Variants in AQP7 observed in about 807,000 individuals in gnomAD.
AQP7 encodes the protein aquaporin 7, also known as aquaporin-7.
AQP7 carries 22 observed loss-of-function variants against 26.1 expected under a neutral mutation model. That is an observed-to-expected ratio of 0.84 (90% confidence interval 0.60 to 1.20). The LOEUF (loss-of-function observed/expected upper bound fraction) is 1.20, where lower values mean the gene tolerates loss of function less well. AQP7 is among the 50% of genes most tolerant of loss of function. AQP7 has a pLI of 0.00. For synonymous variants in AQP7, 167 were observed against 181.7 expected, an observed-to-expected ratio of 0.92 and a Z score of 0.65; for missense variants, 412 against 457.5, an observed-to-expected ratio of 0.90 and a Z score of 0.91.
In AQP7 at chr9:33,401,151, A is replaced by G. The variant is rs1826246055; in HGVS notation, c.26+86T>C. ...AGTGGGGACAGCTGCCCCAAGGGAG[A>G]GGCTGAGGATGGAACAGGGAGGGCA... On this transcript the variant is annotated intron_variant, in intron 2 of 7. Transcript: ENST00000297988. 3.5e-6 allele frequency: 5 copies of G among 1,445,432 alleles called. No individual in the cohort carries two copies. In the African/African-American group the frequency reaches 4.2e-5, roughly 12 times the overall value. 89.5% of individuals were successfully genotyped at this position (1,445,432 alleles called of 1,614,324 possible).
chr9:33,386,363 G>A, intron 5 of AQP7, 41 bp downstream of exon 5: 1 of 1,608,452 alleles, frequency 6.2e-7, no homozygotes. Flanking sequence ...TTCATAGGAG[G>A]CGGCTGAGGC....
chr9:33,385,531 G>C, intron 7 of AQP7, 118 bp downstream of exon 7: 2 of 1,303,118 alleles, frequency 1.5e-6, no homozygotes, highest in Non-Finnish European at 2.2e-6. Flanking sequence ...CTGCTCCCCA[G>C]GCTACCTGGG....
rs184504095 is a variant in AQP7, at chr9:33,388,731, C to T, written c.145-1639G>A. 6.6e-5 allele frequency among the ~76,000 whole-genome samples: 10 copies of T among 152,328 alleles called. No homozygotes were observed. In the East Asian group the frequency reaches 9.6e-4, roughly 15 times the overall value. ...AGCTTAGAGAACTTGAATGGCTTGT[C>T]CAAGGTCACACAGCCTGTACCTGGT... On this transcript the variant is annotated intron_variant, in intron 3 of 7. Transcript: ENST00000297988.
intron 3 of AQP7, among the ~76,000 whole-genome samples, chr9:33,394,767 G>A (rs1825708862): frequency 6.6e-6 from 1 of 152,016 alleles, no homozygotes; most frequent in South Asian, 2.1e-4. Context: ...CAAAGTGCTG[G>A]AATTACAGGC....
intron 1 of AQP7, 175 bp from the exon 2 acceptor site, chr9:33,401,462 C>T: frequency 1.7e-6 from 1 of 604,148 alleles, no homozygotes; most frequent in Non-Finnish European, 3.0e-6. Context: ...GAGGCGACGC[C>T]CTGGAGCCCC....
At chr9:33,396,669 A>T (rs3877998) in intron 2 of AQP7, among the ~76,000 whole-genome samples, 2 of 132,598 alleles carry the variant, frequency 1.5e-5, no homozygotes, top group Admixed American at 7.8e-5. Flanking sequence ...TCCTTTACCC[A>T]CCAGCCTTCT....
intron 3 of AQP7, among the ~76,000 whole-genome samples, chr9:33,390,738 C>T (rs1825313593): frequency 6.6e-6 from 1 of 152,188 alleles, no homozygotes; most frequent in Non-Finnish European, 1.5e-5. Context: ...GGTAGAGGGA[C>T]TGGAGCAGGC....
chr9:33,391,455 C>T (rs1010274062), intron 3 of AQP7: 12 of 318,102 alleles, frequency 3.8e-5, no homozygotes, highest in African/African-American at 1.7e-4. Flanking sequence ...CCGTGTCTCA[C>T]GTGTATGGCT....
Position 33,384,891 on chromosome 9 carries a change from TGTAAGAACCCA to T in AQP7, c.*103_*113del, listed in dbSNP as rs1178586805. 5.6e-5 allele frequency: 72 copies of T among 1,280,534 alleles called. No homozygotes were observed. The East Asian group carries it at 1.7e-3, about 30-fold the overall frequency. 79.3% of individuals were successfully genotyped at this position (1,280,534 alleles called of 1,614,324 possible). A position where few individuals can be genotyped will look rare whatever the true frequency, so the allele number is the denominator to read the frequency against. On this transcript the variant is annotated 3_prime_UTR_variant, in exon 8 of 8. Transcript: ENST00000297988. ...GGCTAAGACATAGCCCTGGAGCTCC[TGTAAGAACCCA>T]GGAGGGAAGCCCAACCACAGGAGGC...
chr9:33,386,249 G>T (rs1824776455), intron 5 of AQP7, 54 bp from the exon 6 acceptor site: 4 of 1,610,994 alleles, frequency 2.5e-6, no homozygotes, highest in South Asian at 1.1e-5. Flanking sequence ...CCCCACCGGG[G>T]TCCCAGAAAT....
chr9:33,401,422 A>G, intron 1 of AQP7, 135 bp from the exon 2 acceptor site: 2 of 731,678 alleles, frequency 2.7e-6, no homozygotes, highest in Non-Finnish European at 4.6e-6. Flanking sequence ...CAGCCAAGGA[A>G]CAGGGAGGGA....
chr9:33,386,091 C>G lies in AQP7; in HGVS notation c.511G>C (p.Gly171Arg). ...CGACCACTGACCTCATTCAGGAAGC[C>G]CCGCCACAATGTCATGTGATCAGGA... ...YLPDHMTLWR[G>R]FLNEAWLTGM... The change falls in exon 6 of 8, where the codon GGC (glycine) becomes CGC (arginine). Residue 171 changes from glycine (G) to arginine (R), a missense_variant. Coordinates refer to ENST00000297988, the MANE Select transcript of AQP7 (RefSeq NM_001170.3). 1 of 1,613,412 alleles carries G rather than the reference C, an allele frequency of 6.2e-7. No homozygotes were observed. Among genetic ancestry groups the G allele is most frequent in the Non-Finnish European group, 8.5e-7 (1 of 1,179,858 alleles).
Position 33,383,729 on chromosome 9 carries a change from C to T in AQP7, c.*1276G>A, listed in dbSNP as rs966969966. On this transcript the variant is annotated 3_prime_UTR_variant, in exon 8 of 8. Coordinates refer to ENST00000297988, the MANE Select transcript of AQP7 (RefSeq NM_001170.3). ...CGTGTCCCCACCTCCAGAACGAAGC[C>T]CAGCCTCCTCTGCCCATCCCCTCAA... 3 of 152,676 alleles carry T rather than the reference C, an allele frequency of 2.0e-5. No individual in the cohort carries two copies. The highest frequency in any genetic ancestry group is 7.2e-5 in the African/African-American group (3 of 41,416). 9.5% of individuals were successfully genotyped at this position (152,676 alleles called of 1,614,324 possible).
chr9:33,400,991 C>T (rs1826229504), intron 2 of AQP7: 1 of 558,432 alleles, frequency 1.8e-6, no homozygotes, highest in South Asian at 2.0e-5. Context: ...AGTTGAAGGC[C>T]ACCTGCATGC....
chr9:33,395,108 C>T lies in AQP7; in HGVS notation c.114G>A (p.Leu38=), dbSNP rs1194666310. The part of the protein sequence containing the change: ...ILQRKMVREF[L]AEFMSTYVMM... The stretch of plus-strand genomic sequence containing the variant: ...TGACATATGTGCTCATGAACTCGGC[C>T]AGGAACTCTCGCACCATCTTCCTCT... The change falls in exon 3 of 8, where the codon CTG becomes CTA. Residue 38 remains leucine (L), a synonymous_variant. Transcript: ENST00000297988. 4 of 1,613,982 alleles carry T rather than the reference C, an allele frequency of 2.5e-6. No homozygotes were observed. In the Admixed American group the frequency reaches 6.7e-5, roughly 27 times the overall value.
intron 2 of AQP7, among the ~76,000 whole-genome samples, chr9:33,398,031 G>C (rs1418862041): frequency 6.6e-6 from 1 of 152,218 alleles, no homozygotes; most frequent in Non-Finnish European, 1.5e-5. Context: ...AGTGTGATGA[G>C]CACTGCCCCA....
intron 5 of AQP7, 67 bp downstream of exon 5, chr9:33,386,337 T>G: frequency 1.2e-6 from 2 of 1,601,094 alleles, no homozygotes; most frequent in South Asian, 2.2e-5. Context: ...GACACTGAGG[T>G]CCAATCTGCC....
intron 2 of AQP7, among the ~76,000 whole-genome samples, chr9:33,398,472 T>G (rs1259210231): frequency 6.6e-6 from 1 of 151,994 alleles, no homozygotes; most frequent in Non-Finnish European, 1.5e-5. Context: ...GGTGGAGAAG[T>G]GGCGGCAGCC....
intron 4 of AQP7, 147 bp from the exon 5 acceptor site, chr9:33,386,688 C>T (rs1824841725): frequency 1.7e-6 from 2 of 1,174,632 alleles, no homozygotes; most frequent in African/African-American, 3.1e-5. Flanking sequence ...CCCCGTGAGG[C>T]AGGGGCCACC....
Sources: gnomAD v4.1 joint callset for allele counts (sites outside exome capture counted in the v4.1 genomes callset) on GRCh38, gnomAD v4.1.1 for gene constraint, MANE v1.5 for transcripts, NCBI Gene and HGNC (gene_info 2026-07-23, HGNC 2026-07-21) for gene names.